Variants in PARD3B observed in about 807,000 individuals in gnomAD.
The protein encoded by PARD3B is partitioning defective 3 homolog B.
PARD3B carries 103 observed loss-of-function variants against 130.2 expected under a neutral mutation model. The ratio of observed to expected loss-of-function variants is 0.79; its 90% CI spans 0.67 to 0.93. The LOEUF (loss-of-function observed/expected upper bound fraction) is 0.93. PARD3B is among the 40% of genes least tolerant of loss of function. PARD3B has a pLI of 0.00. For missense variants in PARD3B, 1,609 were observed against 1,499.2 expected (o/e 1.07, Z -1.21); for synonymous variants, 583 against 553.2 (o/e 1.05, Z -0.76).
intron 20 of PARD3B, among the ~76,000 whole-genome samples, chr2:205,451,751 A>G (rs1314064346): frequency 9.2e-5 from 14 of 151,700 alleles, no homozygotes; most frequent in Admixed American, 9.2e-4. Context: ...CAGGCATACA[A>G]TGCATAATAA....
At chr2:204,707,426 A>G (rs2038220834) in intron 2 of PARD3B, among the ~76,000 whole-genome samples, 1 of 152,144 alleles carries the variant, frequency 6.6e-6, no homozygotes, top group Non-Finnish European at 1.5e-5. Flanking sequence ...TCTATTTTAT[A>G]TGGATTTTTT....
intron 2 of PARD3B, among the ~76,000 whole-genome samples, chr2:204,942,779 C>T (rs565989569): frequency 2.6e-5 from 4 of 152,270 alleles, no homozygotes; most frequent in South Asian, 4.1e-4. Flanking sequence ...AACTTATTTT[C>T]ATACAGTGAT....
intron 22 of PARD3B, among the ~76,000 whole-genome samples, chr2:205,582,394 A>C (rs868309339): frequency 1.3e-5 from 2 of 152,326 alleles, no homozygotes; most frequent in South Asian, 2.1e-4. Context: ...GCTGGTAATT[A>C]AAGCAGAAAA....
intron 18 of PARD3B, among the ~76,000 whole-genome samples, chr2:205,379,428 A>AC: frequency 6.6e-6 from 1 of 152,128 alleles, no homozygotes; most frequent in Middle Eastern, 3.4e-3. Context: ...TCCAGAATGT[A>AC]CCCATGTTCC....
At chr2:204,855,333 A>G (rs1017913713) in intron 2 of PARD3B, among the ~76,000 whole-genome samples, 1 of 152,046 alleles carries the variant, frequency 6.6e-6, no homozygotes, top group Non-Finnish European at 1.5e-5. Context: ...TCGTGAGGTC[A>G]AGAGATTGAG....
At chr2:204,596,839 A>G (rs1011284540) in intron 1 of PARD3B, among the ~76,000 whole-genome samples, 5 of 150,732 alleles carry the variant, frequency 3.3e-5, no homozygotes. Flanking sequence ...AATTGCTTGA[A>G]CCCGGGAGGC....
intron 2 of PARD3B, among the ~76,000 whole-genome samples, chr2:204,691,342 T>C (rs1456559170): frequency 6.6e-6 from 1 of 152,112 alleles, no homozygotes; most frequent in Non-Finnish European, 1.5e-5. Flanking sequence ...TATTATGTAG[T>C]AAAGTAACAT....
At chr2:204,823,349 C>A (rs1462731029) in intron 2 of PARD3B, among the ~76,000 whole-genome samples, 1 of 151,362 alleles carries the variant, frequency 6.6e-6, no homozygotes. Flanking sequence ...ACATTATTTT[C>A]AATAAAATAA....
intron 16 of PARD3B, among the ~76,000 whole-genome samples, chr2:205,259,871 G>A (rs2040234788): frequency 6.6e-6 from 1 of 152,106 alleles, no homozygotes; most frequent in South Asian, 2.1e-4. Flanking sequence ...TATACATAAT[G>A]AGATATTTTG....
At chr2:204,807,906 G>A (rs968019462) in intron 2 of PARD3B, among the ~76,000 whole-genome samples, 3 of 151,844 alleles carry the variant, frequency 2.0e-5, no homozygotes, top group Admixed American at 6.6e-5. Context: ...ATCACAACAC[G>A]ATAACTACAG....
chr2:204,565,498 A>G (rs767414490), intron 1 of PARD3B, among the ~76,000 whole-genome samples: 13 of 152,240 alleles, frequency 8.5e-5, no homozygotes, highest in Non-Finnish European at 1.2e-4. Context: ...TCAGTTTTCC[A>G]AACGTTGACA....
At chr2:205,131,974 C>T (rs558270210) in intron 10 of PARD3B, among the ~76,000 whole-genome samples, 1 of 152,198 alleles carries the variant, frequency 6.6e-6, no homozygotes, top group African/African-American at 2.4e-5. Flanking sequence ...ATTAAATGGC[C>T]TTGATGAAGT....
At chr2:204,803,907 G>A (rs1434990678) in intron 2 of PARD3B, among the ~76,000 whole-genome samples, 1 of 152,088 alleles carries the variant, frequency 6.6e-6, no homozygotes, top group African/African-American at 2.4e-5. Context: ...TCAAAAGACA[G>A]ATTTGCTAGG....
intron 1 of PARD3B, among the ~76,000 whole-genome samples, chr2:204,570,484 T>G (rs1306584556): frequency 6.6e-6 from 1 of 152,170 alleles, no homozygotes; most frequent in Admixed American, 6.5e-5. Flanking sequence ...AATAGGGGGC[T>G]CAATTTCTGA....
intron 3 of PARD3B, among the ~76,000 whole-genome samples, chr2:205,047,247 A>T (rs1013042823): frequency 3.3e-5 from 5 of 152,184 alleles, no homozygotes; most frequent in African/African-American, 1.2e-4. Flanking sequence ...CTCCTGGATA[A>T]TCATTCTTTT....
intron 15 of PARD3B, among the ~76,000 whole-genome samples, chr2:205,204,857 T>C (rs893093057): frequency 2.6e-5 from 4 of 152,144 alleles, no homozygotes; most frequent in Non-Finnish European, 4.4e-5. Flanking sequence ...TGTAGCCTTG[T>C]AGTATAGTTT....
intron 15 of PARD3B, among the ~76,000 whole-genome samples, chr2:205,214,399 G>T (rs2037803975): frequency 6.6e-6 from 1 of 151,568 alleles, no homozygotes; most frequent in African/African-American, 2.4e-5. Flanking sequence ...GTCACTTGTG[G>T]CAAATATTGT....
intron 15 of PARD3B, among the ~76,000 whole-genome samples, chr2:205,232,230 G>T (rs894162362): frequency 2.0e-5 from 3 of 152,142 alleles, no homozygotes; most frequent in African/African-American, 7.2e-5. Context: ...TGGGAGGATT[G>T]CTTGAGGCCG....
At chr2:205,560,818 G>A (rs2053105013) in intron 22 of PARD3B, among the ~76,000 whole-genome samples, 1 of 152,244 alleles carries the variant, frequency 6.6e-6, no homozygotes, top group Non-Finnish European at 1.5e-5. Flanking sequence ...TGGATAGAAA[G>A]AGCAACTTTA....
Sources: allele counts gnomAD v4.1 joint callset (sites outside exome capture counted in the v4.1 genomes callset), GRCh38; gene constraint gnomAD v4.1.1; transcripts MANE v1.5; gene names NCBI Gene and HGNC (gene_info 2026-07-23, HGNC 2026-07-21).